ATF1: variants seen among roughly 807,000 people sequenced by gnomAD.
ATF1 encodes the protein cyclic AMP-dependent transcription factor ATF-1.
A neutral mutation model predicts 34.7 loss-of-function variants in ATF1; 16 were observed. The observed-to-expected ratio is 0.46, with a 90% CI of 0.31 to 0.70. ATF1 has a LOEUF of 0.70. ATF1 is among the 30% of genes least tolerant of loss of function. ATF1 has a pLI of 0.05. For synonymous variants in ATF1, 105 were observed against 113.1 expected (o/e 0.93, Z 0.46); for missense variants, 255 against 321.6 (o/e 0.79, Z 1.58).
intron 1 of ATF1, among the ~76,000 whole-genome samples, chr12:50,772,211 A>G (rs989745034): frequency 1.3e-5 from 2 of 151,832 alleles, no homozygotes; most frequent in African/African-American, 2.4e-5. Flanking sequence ...AAGCGATCCT[A>G]TCGCTTAAGG....
At chr12:50,808,376 G>A in intron 3 of ATF1, among the ~76,000 whole-genome samples, 1 of 151,446 alleles carries the variant, frequency 6.6e-6, no homozygotes. Context: ...CGCCCAGGCT[G>A]GGGGTACAGT....
At chr12:50,807,539 C>A (rs1315962453) in intron 3 of ATF1, among the ~76,000 whole-genome samples, 2 of 151,994 alleles carry the variant, frequency 1.3e-5, no homozygotes, top group Non-Finnish European at 2.9e-5. Context: ...GTGCCTTTTT[C>A]CTGGAAGTAG....
chr12:50,779,524 C>CA lies in ATF1; in HGVS notation c.-6-615dup, dbSNP rs1941007265. 2.0e-5 allele frequency among the ~76,000 whole-genome samples: 3 copies of CA among 149,748 alleles called. No homozygotes were observed. The East Asian group carries it at 5.8e-4, about 29-fold the overall frequency. On this transcript the variant is annotated intron_variant, in intron 1 of 6. Transcript: ENST00000262053. Reference sequence around the variant, plus strand: ...TTAATAGTGATATTGAGCATCTTTTCATAAGCTTTCTGGCTAGCCCTCTCT... The same window carrying CA: ...TTAATAGTGATATTGAGCATCTTTTCAATAAGCTTTCTGGCTAGCCCTCTCT...
intron 1 of ATF1, among the ~76,000 whole-genome samples, chr12:50,773,384 A>G (rs1057101513): frequency 6.6e-6 from 1 of 151,724 alleles, no homozygotes; most frequent in African/African-American, 2.4e-5. Flanking sequence ...TCCCACCAAC[A>G]ACGTAAAAGC....
At chr12:50,767,875 C>CT (rs956407793) in intron 1 of ATF1, among the ~76,000 whole-genome samples, 1,710 of 142,196 alleles carry the variant, frequency 0.012, 43 homozygotes, top group Admixed American at 0.053. Flanking sequence ...TTTGCACTTT[C>CT]TTTTTTTTTT....
intron 1 of ATF1, among the ~76,000 whole-genome samples, chr12:50,778,049 T>C (rs1216346254): frequency 6.6e-6 from 1 of 151,452 alleles, no homozygotes; most frequent in South Asian, 2.1e-4. Flanking sequence ...CCTGAGTAGC[T>C]GAGACTACAG....
rs989194415 is a variant in ATF1 at position 50,819,791 on chromosome 12, G to T, written c.*12G>T. On this transcript the variant is annotated 3_prime_UTR_variant, in exon 7 of 7. Coordinates refer to ENST00000262053, the MANE Select transcript of ATF1 (RefSeq NM_005171.5). ...ATAAAAGTGTTTGATTCCTAAGAAA[G>T]AAAATATTTTTGTGGACATGCATAA... 2.7e-6 allele frequency: 4 copies of T among 1,502,848 alleles called. No individual in the cohort carries two copies. Among genetic ancestry groups the T allele is most frequent in the African/African-American group, 1.4e-5 (1 of 70,768 alleles). The allele number at this position is 1,502,848 out of a possible 1,614,324, so 93.1% of individuals were successfully genotyped here.
intron 3 of ATF1, among the ~76,000 whole-genome samples, chr12:50,804,134 G>A (rs1405556792): frequency 6.6e-6 from 1 of 152,068 alleles, no homozygotes; most frequent in South Asian, 2.1e-4. Flanking sequence ...AAAAGACAAA[G>A]ATTATTAGAA....
chr12:50,771,788 G>A (rs566654616), intron 1 of ATF1, among the ~76,000 whole-genome samples: 2 of 152,186 alleles, frequency 1.3e-5, no homozygotes, highest in African/African-American at 2.4e-5. Context: ...TAAAGGAGCC[G>A]GCCAAAACCC....
chr12:50,780,027 A>G (rs1234687873), intron 1 of ATF1, 113 bp from the exon 2 acceptor site: 8 of 693,096 alleles, frequency 1.2e-5, no homozygotes, highest in African/African-American at 5.5e-5. Context: ...TACCATTGCT[A>G]CCAGTTCTTT....
intron 2 of ATF1, among the ~76,000 whole-genome samples, chr12:50,790,126 G>A (rs1941269883): frequency 6.6e-6 from 1 of 151,978 alleles, no homozygotes; most frequent in Admixed American, 6.6e-5. Context: ...GAAAGGTGGG[G>A]AGACGTTTTG....
chr12:50,775,950 T>C (rs957940826), intron 1 of ATF1, among the ~76,000 whole-genome samples: 6 of 152,152 alleles, frequency 3.9e-5, no homozygotes, highest in African/African-American at 1.4e-4. Context: ...CGCAACACTT[T>C]AGGAGGCCAA....
intron 1 of ATF1, among the ~76,000 whole-genome samples, chr12:50,771,570 C>A (rs1459789024): frequency 1.3e-5 from 2 of 152,040 alleles, no homozygotes; most frequent in African/African-American, 4.8e-5. Flanking sequence ...CCCTCTGCAA[C>A]CCTTAGGATT....
intron 1 of ATF1, among the ~76,000 whole-genome samples, chr12:50,771,360 C>G (rs1397800071): frequency 6.6e-6 from 1 of 152,142 alleles, no homozygotes; most frequent in Admixed American, 6.5e-5. Flanking sequence ...TGTAGGAATA[C>G]AGGACAAGCT....
chr12:50,772,804 G>A (rs1219310634), intron 1 of ATF1, among the ~76,000 whole-genome samples: 1 of 151,804 alleles, frequency 6.6e-6, no homozygotes, highest in Non-Finnish European at 1.5e-5. Context: ...AGGATGTGCA[G>A]GTTTACTGCA....
intron 3 of ATF1, among the ~76,000 whole-genome samples, chr12:50,799,674 A>C (rs1343065434): frequency 6.6e-6 from 1 of 152,200 alleles, no homozygotes; most frequent in Non-Finnish European, 1.5e-5. Flanking sequence ...AGAGCATATA[A>C]AGAGAATAAA....
upstream of ATF1, chr12:50,763,810 CG>C (rs2139627026): frequency 6.6e-6 from 1 of 152,360 alleles, no homozygotes; most frequent in Non-Finnish European, 1.5e-5. Flanking sequence ...TCATGGCCTC[CG>C]GAAGCGGACG....
At chr12:50,792,688 G>C (rs559349375) in intron 2 of ATF1, among the ~76,000 whole-genome samples, 2 of 152,044 alleles carry the variant, frequency 1.3e-5, no homozygotes, top group Non-Finnish European at 2.9e-5. Context: ...AGAATTTCTA[G>C]TTTCATGTAT....
At chr12:50,814,463 A>T in intron 6 of ATF1, 24 bp downstream of exon 6, 1 of 1,604,256 alleles carries the variant, frequency 6.2e-7, no homozygotes. Context: ...TCGTAGTACC[A>T]GAATGGGTAA....
Sources: gnomAD v4.1 joint callset for allele counts (sites outside exome capture counted in the v4.1 genomes callset) on GRCh38, gnomAD v4.1.1 for gene constraint, MANE v1.5 for transcripts, NCBI Gene and HGNC (gene_info 2026-07-23, HGNC 2026-07-21) for gene names.